Variants in GPR108 observed in about 807,000 individuals in gnomAD.
The protein encoded by GPR108 is protein GPR108.
In GPR108, 60 loss-of-function variants were observed where a neutral mutation model predicts 74.3. The ratio of observed to expected loss-of-function variants is 0.81; its 90% confidence interval spans 0.66 to 1.00. The LOEUF (loss-of-function observed/expected upper bound fraction) is 1.00, where lower values mean the gene tolerates loss of function less well. Ranked by LOEUF, GPR108 falls within the 50% of genes least tolerant of loss-of-function variation. The pLI, the probability that GPR108 is intolerant of heterozygous loss-of-function variation, is 0.00. For missense variants in GPR108, 667 were observed against 703.3 expected (o/e 0.95, Z 0.58); for synonymous variants, 311 against 292.4 (o/e 1.06, Z -0.65).
intron 15 of GPR108, 95 bp downstream of exon 15, chr19:6,731,378 G>A (rs923979264): frequency 6.7e-7 from 1 of 1,485,842 alleles, no homozygotes; most frequent in Non-Finnish European, 9.0e-7. Flanking sequence ...GCCTGGATGG[G>A]GGCCTCGGGA....
In GPR108 at chr19:6,730,132, A is replaced by G. The variant is rs780151132; in HGVS notation, c.*180T>C. 3.2e-6 allele frequency: 2 copies of G among 630,248 alleles called. No homozygotes were observed. Among genetic ancestry groups the G allele is most frequent in the Non-Finnish European group, 5.8e-6 (2 of 345,638 alleles). 39.0% of individuals were successfully genotyped at this position (630,248 alleles called of 1,614,324 possible). A position where few individuals can be genotyped will look rare whatever the true frequency, so the allele number is the denominator to read the frequency against. On this transcript the variant is annotated 3_prime_UTR_variant, in exon 18 of 18. Transcript: ENST00000264080. ...CCCGGGGTAAGGACAGGGCTGCCCA[A>G]TATTTGGGGGGAGGAAGGGACTCTT...
At chr19:6,732,445 C>A (rs748771879) in intron 11 of GPR108, 31 bp downstream of exon 11, 25 of 1,612,900 alleles carry the variant, frequency 1.6e-5, no homozygotes, top group Non-Finnish European at 2.0e-5. Flanking sequence ...CTGCCTCCCC[C>A]CAGCTGCCCA....
chr19:6,735,616 A>G lies in GPR108; in HGVS notation c.374+6T>C, dbSNP rs746607095. On this transcript the variant is annotated splice_donor_region_variant and intron_variant, in intron 4 of 17. Coordinates refer to ENST00000264080, the MANE Select transcript of GPR108 (RefSeq NM_001080452.2). ...GATCTGAGCGAGCCCCCGGTCCCCA[A>G]CTCACTGCAGATCCTTGGTGTTGAT... is the stretch of plus-strand genomic sequence containing the variant. 1 of 1,613,398 alleles carries G rather than the reference A, an allele frequency of 6.2e-7. No homozygotes were observed. Among genetic ancestry groups the G allele is most frequent in the Non-Finnish European group, 8.5e-7 (1 of 1,179,422 alleles).
chr19:6,730,201 G>C lies in GPR108; in HGVS notation c.*111C>G. On this transcript the variant is annotated 3_prime_UTR_variant, in exon 18 of 18. Transcript: ENST00000264080. The stretch of plus-strand genomic sequence containing the variant: ...CGGGAACCGGGGTCCCGGGGAGCTG[G>C]GCGCCTGGTCCACATGGACCCCCTC... 1 of 1,013,412 alleles carries C rather than the reference G, an allele frequency of 9.9e-7. No individual in the cohort carries two copies. Among genetic ancestry groups the C allele is most frequent in the East Asian group, 2.4e-5 (1 of 41,666 alleles). 62.8% of individuals were successfully genotyped at this position (1,013,412 alleles called of 1,614,324 possible).
In GPR108 at chr19:6,733,668, C is replaced by A; in HGVS notation, c.625G>T (p.Val209Leu). 6.2e-7 allele frequency: 1 copy of A among 1,614,012 alleles called. No individual in the cohort carries two copies. Among genetic ancestry groups the A allele is most frequent in the Non-Finnish European group, 8.5e-7 (1 of 1,179,922 alleles). Reference sequence around the variant, plus strand: ...TCTTCCGCCTGAGAGCCGATCACCACGTGGAACTGGGCGGGCGGGGAGAGA... The same window carrying A: ...TCTTCCGCCTGAGAGCCGATCACCAAGTGGAACTGGGCGGGCGGGGAGAGA... ...LNNSYNFSFH[V>L]VIGSQAEEGQ... The change falls in exon 8 of 18, where the codon GTG (valine) becomes TTG (leucine). Residue 209 changes from valine to leucine, a missense_variant. By Grantham distance (32) the Val-to-Leu change is conservative. Transcript: ENST00000264080.
chr19:6,736,062 C>T, intron 2 of GPR108, 104 bp from the exon 3 acceptor site: 1 of 969,958 alleles, frequency 1.0e-6, no homozygotes, highest in Non-Finnish European at 1.6e-6. Flanking sequence ...TACTGAACAC[C>T]TAACATGTGC....
Position 6,734,011 on chromosome 19 carries a change from C to T in GPR108, c.543G>A (p.Val181=). 1 of 1,614,216 alleles carries T rather than the reference C, an allele frequency of 6.2e-7. No individual in the cohort carries two copies. The change falls in exon 6 of 18, where the codon GTG becomes GTA. Residue 181 remains valine (V), a synonymous_variant. Transcript: ENST00000264080. ...AASKPKSTPA[V]IQGPSGKDKD... is the part of the protein sequence containing the mutation. ...TGCCCCGCCTCCCCGAAACCTGAAT[C>T]ACTGCGGGTGTTGACTTGGGCTTGC... is the stretch of plus-strand genomic sequence containing the variant.
At position 6,733,182 on chromosome 19, in the gene GPR108, G is replaced by A. The variant is rs1968491983; in HGVS notation, c.843C>T (p.Ile281=). The A allele has an allele frequency of 6.2e-7, 1 of 1,613,976 alleles. No homozygotes were observed. The highest frequency in any genetic ancestry group is 1.3e-5 in the African/African-American group (1 of 74,920). Residue 281 remains isoleucine, a synonymous_variant, in exon 9 of 18, where the codon ATC becomes ATT. Coordinates refer to ENST00000264080, the MANE Select transcript of GPR108 (RefSeq NM_001080452.2). ...FLAAGIFWVS[I]LCRNTYSVFK... ...AGGGGCATTACGTGTTCCTGCAGAG[G>A]ATGGACACCCAGAAGATGCCAGCGG...
At chr19:6,734,920 G>A (rs907198586) in intron 4 of GPR108, among the ~76,000 whole-genome samples, 27 of 150,724 alleles carry the variant, frequency 1.8e-4, no homozygotes, top group Admixed American at 4.6e-4. Flanking sequence ...TTGATCTGTC[G>A]TCCAGGCTGG....
Position 6,734,226 on chromosome 19 carries a change from C to G in GPR108, c.456G>C (p.Gly152=), listed in dbSNP as rs200524390. ...GLLPEAPSKP[G]LPKPQATVPR... is the part of the protein sequence containing the mutation. ...GGACTGTGGCCTGTGGCTTCGGGAG[C>G]CCTGGTTTGGAGGGTGCTTCCGGGA... is the stretch of plus-strand genomic sequence containing the variant. Residue 152 remains glycine (G), a synonymous_variant, in exon 5 of 18, where the codon GGG becomes GGC. Coordinates refer to ENST00000264080, the MANE Select transcript of GPR108 (RefSeq NM_001080452.2). The G allele has an allele frequency of 2.5e-4, 402 of 1,614,182 alleles. 1 individual carries two copies. In the African/African-American group the frequency reaches 4.6e-3, roughly 19 times the overall value.
Position 6,735,863 on chromosome 19 carries a change from C to CT in GPR108, c.291+44dup, listed in dbSNP as rs1568241542. 4 of 1,591,576 alleles carry CT rather than the reference C, an allele frequency of 2.5e-6. No homozygotes were observed. The Admixed American group carries it at 6.9e-5, about 27-fold the overall frequency. On this transcript the variant is annotated intron_variant, in intron 3 of 17. Coordinates refer to ENST00000264080, the MANE Select transcript of GPR108 (RefSeq NM_001080452.2). ...AGATGCAGAGGACAGACCCTACCCC[C>CT]TCCCTCCAGCCCCTTCTCCCGTCTT... is the stretch of plus-strand genomic sequence containing the variant.
intron 4 of GPR108, 64 bp downstream of exon 4, chr19:6,735,558 T>G: frequency 7.4e-7 from 1 of 1,360,500 alleles, no homozygotes; most frequent in Non-Finnish European, 1.1e-6. Flanking sequence ...CCCAGGTGCG[T>G]GTGGGCATCA....
At position 6,731,009 on chromosome 19, in the gene GPR108, C is replaced by T; in HGVS notation, c.1537G>A (p.Glu513Lys). 3 of 1,613,212 alleles carry T rather than the reference C, an allele frequency of 1.9e-6. No homozygotes were observed. The highest frequency in any genetic ancestry group is 2.2e-5 in the South Asian group (2 of 91,064). Residue 513 changes from glutamate to lysine, a missense_variant, in exon 17 of 18, where the codon GAG (glutamate) becomes AAG (lysine). Glu to Lys is a moderately conservative substitution (Grantham distance 56). Coordinates refer to ENST00000264080, the MANE Select transcript of GPR108 (RefSeq NM_001080452.2). ...CACACTTGCTCCATCTGAACATCCTCCTCGTCCTCCTGGGGCAGCTGCAGG... is the reference window on the plus strand; with the variant it reads ...CACACTTGCTCCATCTGAACATCCTTCTCGTCCTCCTGGGGCAGCTGCAGG... ...PYLQLPQEDEEDVQMEQVMTD... is the reference protein window; with the variant it reads ...PYLQLPQEDEKDVQMEQVMTD...
chr19:6,733,260 T>C lies in GPR108; in HGVS notation c.765A>G (p.Ala255=). ...REKNPDGFLS[A]AEMPLFKLYM... Reference sequence around the variant, plus strand: ...AGAGCTTGAAAAGGGGCATCTCCGCTGCCGACAGGAAGCCATCGGGGTTCT... The same window carrying C: ...AGAGCTTGAAAAGGGGCATCTCCGCCGCCGACAGGAAGCCATCGGGGTTCT... Residue 255 remains alanine, a synonymous_variant, in exon 9 of 18, where the codon GCA becomes GCG. Coordinates refer to ENST00000264080, the MANE Select transcript of GPR108 (RefSeq NM_001080452.2). 1.2e-6 allele frequency: 2 copies of C among 1,613,874 alleles called. No individual in the cohort carries two copies. The highest frequency in any genetic ancestry group is 1.7e-6 in the Non-Finnish European group (2 of 1,180,014).
intron 15 of GPR108, 92 bp from the exon 16 acceptor site, chr19:6,731,374 A>T (rs1968395314): frequency 6.8e-7 from 1 of 1,477,602 alleles, no homozygotes; most frequent in Non-Finnish European, 9.1e-7. Context: ...GGGAGCCTGG[A>T]TGGGGGCCTC....
chr19:6,732,586 A>C, intron 10 of GPR108, 37 bp from the exon 11 acceptor site: 1 of 1,419,938 alleles, frequency 7.0e-7, no homozygotes, highest in Non-Finnish European at 9.9e-7. Context: ...TGAGGCGCAC[A>C]GAGGGGTGGG....
intron 4 of GPR108, among the ~76,000 whole-genome samples, chr19:6,734,787 T>C (rs1388903245): frequency 1.3e-5 from 2 of 151,816 alleles, no homozygotes; most frequent in Non-Finnish European, 2.9e-5. Context: ...GTGATCCTCC[T>C]GGCTCAGCCA....
At chr19:6,730,718 C>A (rs1482396030) in intron 17 of GPR108, among the ~76,000 whole-genome samples, 5 of 150,242 alleles carry the variant, frequency 3.3e-5, no homozygotes, top group Non-Finnish European at 7.4e-5. Flanking sequence ...CCCCCGCCCC[C>A]AGAGCGGCCC....
rs149463372 is a variant in GPR108, at chr19:6,733,200, G to A, written c.825C>T (p.Gly275=). 1 of 1,614,132 alleles carries A rather than the reference G, an allele frequency of 6.2e-7. No homozygotes were observed. Among genetic ancestry groups the A allele is most frequent in the Non-Finnish European group, 8.5e-7 (1 of 1,180,028 alleles). ...TGCAGAGGATGGACACCCAGAAGAT[G>A]CCAGCGGCCAGGAAGCAGGCGGACA... ...MVMSACFLAA[G]IFWVSILCRN... The change falls in exon 9 of 18, where the codon GGC becomes GGT. Residue 275 remains glycine, a synonymous_variant. Transcript: ENST00000264080.
Sources: allele counts gnomAD v4.1 joint callset (sites outside exome capture counted in the v4.1 genomes callset), GRCh38; gene constraint gnomAD v4.1.1; transcripts MANE v1.5; gene names NCBI Gene and HGNC (gene_info 2026-07-23, HGNC 2026-07-21).